Variants in RAMP1 observed in about 807,000 individuals in gnomAD.
RAMP1 encodes the protein receptor activity-modifying protein 1.
In RAMP1, 7 loss-of-function variants were observed where a neutral mutation model predicts 8.2. The ratio of observed to expected loss-of-function variants is 0.85; its 90% confidence interval spans 0.49 to 1.60. The LOEUF (loss-of-function observed/expected upper bound fraction) is 1.60, where lower values mean the gene tolerates loss of function less well. Ranked by LOEUF, RAMP1 falls within the 40% of genes most tolerant of loss-of-function variation. The probability of loss-of-function intolerance (pLI) is 0.00; values close to 1 mark genes in which losing one functional copy is unlikely to be tolerated. For missense variants in RAMP1, 192 were observed against 202.4 expected (o/e 0.95, Z 0.31); for synonymous variants, 92 against 84.7 (o/e 1.09, Z -0.47).
intron 2 of RAMP1, among the ~76,000 whole-genome samples, chr2:237,883,184 G>A (rs114665574): frequency 0.03 from 4,507 of 152,200 alleles, 209 homozygotes; most frequent in African/African-American, 0.1. Context: ...GCCTGCTGCC[G>A]CCCAAGGTCA....
rs1373833121 is a variant in RAMP1 at position 237,911,660 on chromosome 2, C to T, written c.324C>T (p.Gly108=). 1 of 1,614,094 alleles carries T rather than the reference C, an allele frequency of 6.2e-7. No individual in the cohort carries two copies. The highest frequency in any genetic ancestry group is 8.5e-7 in the Non-Finnish European group (1 of 1,180,006). The change falls in exon 3 of 3, where the codon GGC becomes GGT. Residue 108 remains glycine (G), a synonymous_variant. Transcript: ENST00000254661. ...ACTTCAGGAGCTGCCCCATCTCAGG[C>T]AGGGCCGTGCGGGACCCGCCCGGCA... ...GRYFRSCPIS[G]RAVRDPPGSI... is the part of the protein sequence containing the mutation.
rs149556767 is a variant in RAMP1 at position 237,887,436 on chromosome 2, C to A, written c.191+10074C>A. Among the ~76,000 whole-genome samples the A allele has an allele frequency of 5.3e-3, 809 of 152,336 alleles. 8 individuals are homozygous for A. The highest frequency in any genetic ancestry group is 0.024 in the Middle Eastern group (7 of 294). On this transcript the variant is annotated intron_variant, in intron 2 of 2. Coordinates refer to ENST00000254661, the MANE Select transcript of RAMP1 (RefSeq NM_005855.4). ...TAAGCACAGGGTGCCCTTTGGGATG[C>A]GTCTTGGGACAGGCCTTGGGTCTGA...
Position 237,865,840 on chromosome 2 carries a change from A to G in RAMP1, c.52+6113A>G, listed in dbSNP as rs2062182502. On this transcript the variant is annotated intron_variant, in intron 1 of 2. Transcript: ENST00000254661. The surrounding 1 kb of genome is among the most constrained non-coding windows in gnomAD (Gnocchi z 4.2). ...CCCAGGCACCACTGGGCACCTTGAC[A>G]TGATTGGTGGTGGAGGGAGGCAGAT... is the stretch of plus-strand genomic sequence containing the variant. Among the ~76,000 whole-genome samples the G allele has an allele frequency of 6.6e-6, 1 of 152,216 alleles. No homozygotes were observed.
Position 237,912,093 on chromosome 2 carries a change from G to A in RAMP1, c.*310G>A. On this transcript the variant is annotated 3_prime_UTR_variant, in exon 3 of 3. Coordinates refer to ENST00000254661, the MANE Select transcript of RAMP1 (RefSeq NM_005855.4). Reference sequence around the variant, plus strand: ...GTGGATGAGTGGTTTGTGATTAAAAGGGATGTTCTTGAACTTGGAAAGACT... The same window carrying A: ...GTGGATGAGTGGTTTGTGATTAAAAAGGATGTTCTTGAACTTGGAAAGACT... The A allele has an allele frequency of 2.5e-6, 1 of 397,152 alleles. No individual in the cohort carries two copies. Among genetic ancestry groups the A allele is most frequent in the Non-Finnish European group, 4.6e-6 (1 of 218,300 alleles). 24.6% of individuals were successfully genotyped at this position (397,152 alleles called of 1,614,324 possible).
At chr2:237,897,753 C>CT (rs1198114415) in intron 2 of RAMP1, among the ~76,000 whole-genome samples, 2 of 135,736 alleles carry the variant, frequency 1.5e-5, no homozygotes, top group South Asian at 4.9e-4. Flanking sequence ...TGTCATTCTT[C>CT]TTTTTTTGTT....
At position 237,879,658 on chromosome 2, in the gene RAMP1, G is replaced by A. The variant is rs181182470; in HGVS notation, c.191+2296G>A. Among the ~76,000 whole-genome samples the A allele has an allele frequency of 8.3e-3, 1,077 of 129,518 alleles. 1 individual carries two copies. The highest frequency in any genetic ancestry group is 0.033 in the African/African-American group (1,022 of 30,804). 85.0% of individuals were successfully genotyped at this position (129,518 alleles called of 152,430 possible). A position where few individuals can be genotyped will look rare whatever the true frequency, so the allele number is the denominator to read the frequency against. ...GTATACATACGTAACAAACCTGCACGTTGTGCACATGTGCCCTAGAACTTA... is the reference window on the plus strand; with the variant it reads ...GTATACATACGTAACAAACCTGCACATTGTGCACATGTGCCCTAGAACTTA... On this transcript the variant is annotated intron_variant, in intron 2 of 2. Coordinates refer to ENST00000254661, the MANE Select transcript of RAMP1 (RefSeq NM_005855.4).
upstream of RAMP1, chr2:237,859,432 G>GC (rs905650377): frequency 8.4e-5 from 13 of 154,844 alleles, no homozygotes; most frequent in Non-Finnish European, 1.1e-4. Flanking sequence ...CAAGTGTGCC[G>GC]CCCCCCGGGA....
At chr2:237,902,396 A>AG (rs2062609741) in intron 2 of RAMP1, among the ~76,000 whole-genome samples, 1 of 144,534 alleles carries the variant, frequency 6.9e-6, no homozygotes, top group Non-Finnish European at 1.5e-5. Context: ...CAGGAGGAAG[A>AG]GGAGGGGCCA....
rs115107888 is a variant in RAMP1, at chr2:237,905,681, G to T, written c.192-5847G>T. On this transcript the variant is annotated intron_variant, in intron 2 of 2. Coordinates refer to ENST00000254661, the MANE Select transcript of RAMP1 (RefSeq NM_005855.4). ...AAAAACTAAACTGCCTGCGGGTTTG[G>T]TGGGTCTGAGATATGGGAGAGGATC... Among the ~76,000 whole-genome samples, 1,066 of 152,326 alleles carry T rather than the reference G, an allele frequency of 7.0e-3. 16 individuals carry two copies. Among genetic ancestry groups the T allele is most frequent in the African/African-American group, 0.025 (1,020 of 41,572 alleles).
Position 237,877,727 on chromosome 2 carries a change from T to C in RAMP1, c.191+365T>C, listed in dbSNP as rs1292709959. The stretch of plus-strand genomic sequence containing the variant: ...TGACTGGAGCCTGGCTTCAGGGACG[T>C]CCCTGCTGATTCCCTCTGTCCCTGT... On this transcript the variant is annotated intron_variant, in intron 2 of 2. Coordinates refer to ENST00000254661, the MANE Select transcript of RAMP1 (RefSeq NM_005855.4). The surrounding 1 kb of genome is among the most constrained non-coding windows in gnomAD (Gnocchi z 4.4). 1.3e-5 allele frequency among the ~76,000 whole-genome samples: 2 copies of C among 152,216 alleles called. No individual in the cohort carries two copies. The highest frequency in any genetic ancestry group is 4.1e-4 in the South Asian group (2 of 4,820).
chr2:237,898,527 G>C lies in RAMP1; in HGVS notation c.192-13001G>C, dbSNP rs116294556. Among the ~76,000 whole-genome samples the C allele has an allele frequency of 8.2e-3, 1,248 of 152,346 alleles. 24 individuals are homozygous for C. Among genetic ancestry groups the C allele is most frequent in the African/African-American group, 0.029 (1,207 of 41,580 alleles). On this transcript the variant is annotated intron_variant, in intron 2 of 2. Transcript: ENST00000254661. ...GGTGTGCACAGCTGGCTCAGAGCCT[G>C]CTGGCCCAGCACACATTTCCCAGGC...
At chr2:237,906,250 C>G (rs2062649845) in intron 2 of RAMP1, among the ~76,000 whole-genome samples, 1 of 152,124 alleles carries the variant, frequency 6.6e-6, no homozygotes, top group African/African-American at 2.4e-5. Flanking sequence ...GACCACACAC[C>G]CCAATGCCTA....
intron 2 of RAMP1, among the ~76,000 whole-genome samples, chr2:237,889,343 A>G (rs185493940): frequency 6.6e-6 from 1 of 152,306 alleles, no homozygotes; most frequent in Admixed American, 6.5e-5. Flanking sequence ...TTGAAATGAT[A>G]TGTATCTTCT....
intron 1 of RAMP1, among the ~76,000 whole-genome samples, chr2:237,869,018 T>C (rs1278189039): frequency 4.6e-5 from 7 of 152,178 alleles, no homozygotes; most frequent in Non-Finnish European, 7.3e-5. Context: ...TGTGGCGTTT[T>C]TATGTATCCA....
At chr2:237,885,025 C>T (rs922732319) in intron 2 of RAMP1, among the ~76,000 whole-genome samples, 2 of 152,246 alleles carry the variant, frequency 1.3e-5, no homozygotes, top group Non-Finnish European at 2.9e-5. Flanking sequence ...AGGCATGACG[C>T]TCTGGGTCCA....
chr2:237,902,370 A>G (rs776094113), intron 2 of RAMP1, among the ~76,000 whole-genome samples: 5 of 149,134 alleles, frequency 3.4e-5, no homozygotes, highest in African/African-American at 7.4e-5. Flanking sequence ...GGGAGAGGCC[A>G]GGAGGAGAGA....
At chr2:237,873,960 G>A (rs1213224537) in intron 1 of RAMP1, among the ~76,000 whole-genome samples, 4 of 152,246 alleles carry the variant, frequency 2.6e-5, no homozygotes, top group African/African-American at 9.6e-5. Flanking sequence ...AGAAAGGGCA[G>A]CACTGGTCAG....
intron 2 of RAMP1, among the ~76,000 whole-genome samples, chr2:237,889,879 G>A (rs904413980): frequency 2.0e-5 from 3 of 152,204 alleles, no homozygotes; most frequent in Admixed American, 2.0e-4. Flanking sequence ...TCCTGCCTGA[G>A]CCTCCCAAAG....
chr2:237,887,097 G>T (rs1338121371), intron 2 of RAMP1, among the ~76,000 whole-genome samples: 3 of 152,172 alleles, frequency 2.0e-5, no homozygotes, highest in African/African-American at 4.8e-5. Flanking sequence ...AAGGGGTGGG[G>T]GTGGGGTGGG....
Sources: gnomAD v4.1 joint callset for allele counts (sites outside exome capture counted in the v4.1 genomes callset) on GRCh38, gnomAD v4.1.1 for gene constraint, Gnocchi (gnomAD v3.1) non-coding constraint, MANE v1.5 for transcripts, NCBI Gene and HGNC (gene_info 2026-07-23, HGNC 2026-07-21) for gene names.